The following SPRING1 variants were observed in gnomAD, a reference collection of about 807,000 sequenced individuals.
SPRING1 encodes SREBF pathway regulator in golgi 1, also known as SREBP regulating gene protein.
A neutral mutation model predicts 24.7 loss-of-function variants in SPRING1; 14 were observed. That is an observed-to-expected ratio of 0.57 (90% CI 0.37 to 0.88). SPRING1 has a LOEUF of 0.88. Among genes scored for constraint, SPRING1 ranks in the 40% least tolerant of loss-of-function variants. The pLI is 0.00. For synonymous variants in SPRING1, 93 were observed against 106.1 expected (o/e 0.88, Z 0.76); for missense variants, 255 against 268.4 (o/e 0.95, Z 0.35).
Position 116,712,066 on chromosome 12 carries a change from C to G in SPRING1, c.*5744G>C, listed in dbSNP as rs145184545. ...TGGCAGTGCTGATGAAAACACATTT[C>G]TGGTAGTGATATGTCTTGGTCCCTC... On this transcript the variant is annotated 3_prime_UTR_variant, in exon 5 of 5. Coordinates refer to ENST00000261318, the MANE Select transcript of SPRING1 (RefSeq NM_024738.4). 1 of 152,338 alleles carries G rather than the reference C, an allele frequency of 6.6e-6. No individual in the cohort carries two copies. Among genetic ancestry groups the G allele is most frequent in the East Asian group, 1.9e-4 (1 of 5,184 alleles). 9.4% of individuals were successfully genotyped at this position (152,338 alleles called of 1,614,324 possible).
chr12:116,712,153 A>C lies in SPRING1; in HGVS notation c.*5657T>G, dbSNP rs1395123678. On this transcript the variant is annotated 3_prime_UTR_variant, in exon 5 of 5. Transcript: ENST00000261318. Reference sequence around the variant, plus strand: ...ACCTGGACTCTTGGTAAAATATTTGAATAATTAACTGCTTTGCTCATTGGT... The same window carrying C: ...ACCTGGACTCTTGGTAAAATATTTGCATAATTAACTGCTTTGCTCATTGGT... 2.0e-5 allele frequency: 3 copies of C among 152,236 alleles called. No individual in the cohort carries two copies. Among genetic ancestry groups the C allele is most frequent in the Non-Finnish European group, 4.4e-5 (3 of 68,044 alleles). The allele number at this position is 152,236 out of a possible 1,614,324, so 9.4% of individuals were successfully genotyped here.
Position 116,721,160 on chromosome 12 carries a change from G to GA in SPRING1, c.269-714dup, listed in dbSNP as rs758160023. Among the ~76,000 whole-genome samples the GA allele has an allele frequency of 3.9e-5, 6 of 152,220 alleles. No homozygotes were observed. In the East Asian group the frequency reaches 5.8e-4, roughly 15 times the overall value. ...CAGCCCATTCATGGCCAACTTTAGA[G>GA]AAAAAATCTTCTTACAAAAGCTAAT... On this transcript the variant is annotated intron_variant, in intron 2 of 4. Coordinates refer to ENST00000261318, the MANE Select transcript of SPRING1 (RefSeq NM_024738.4).
chr12:116,738,010 C>A lies in SPRING1; in HGVS notation c.-110G>T, dbSNP rs572344765. On this transcript the variant is annotated 5_prime_UTR_variant, in exon 1 of 5. Transcript: ENST00000261318. ...CAGCCCCATCCCTCCAGGCAGGCGC[C>A]GGCCCCGCCGCCCGCAGCCCAGTCT... 1 of 1,122,504 alleles carries A rather than the reference C, an allele frequency of 8.9e-7. No homozygotes were observed. Among genetic ancestry groups the A allele is most frequent in the Non-Finnish European group, 1.1e-6 (1 of 916,002 alleles). 69.5% of individuals were successfully genotyped at this position (1,122,504 alleles called of 1,614,324 possible).
rs1207670438 is a variant in SPRING1 at position 116,715,027 on chromosome 12, T to G, written c.*2783A>C. On this transcript the variant is annotated 3_prime_UTR_variant, in exon 5 of 5. Coordinates refer to ENST00000261318, the MANE Select transcript of SPRING1 (RefSeq NM_024738.4). ...ATTCCCTTGAGCCGAAAACACTCAC[T>G]TATTAACAATATTTTTTTCTTTTTT... 6.6e-6 allele frequency: 1 copy of G among 152,048 alleles called. No homozygotes were observed. The highest frequency in any genetic ancestry group is 2.4e-5 in the African/African-American group (1 of 41,394). The allele number at this position is 152,048 out of a possible 1,614,324, so 9.4% of individuals were successfully genotyped here. A position where few individuals can be genotyped will look rare whatever the true frequency, so the allele number is the denominator to read the frequency against.
chr12:116,730,216 AT>A (rs71031216), intron 1 of SPRING1, among the ~76,000 whole-genome samples: 4 of 145,008 alleles, frequency 2.8e-5, no homozygotes, highest in African/African-American at 5.1e-5. Context: ...TTACTTTTTA[AT>A]TTTTTTTTTG....
At chr12:116,726,394 CA>C in intron 1 of SPRING1, among the ~76,000 whole-genome samples, 1 of 152,332 alleles carries the variant, frequency 6.6e-6, no homozygotes, top group African/African-American at 2.4e-5. Flanking sequence ...ACCACAACCC[CA>C]CCAGTAGCGG....
chr12:116,719,638 C>T (rs577320215), intron 4 of SPRING1, 125 bp downstream of exon 4: 6 of 708,442 alleles, frequency 8.5e-6, no homozygotes, highest in South Asian at 5.6e-5. Context: ...CCAAACAAAG[C>T]GTGACACGGC....
At chr12:116,719,590 A>G (rs1299852252) in intron 4 of SPRING1, among the ~76,000 whole-genome samples, 173 bp downstream of exon 4, 2 of 152,250 alleles carry the variant, frequency 1.3e-5, no homozygotes, top group Non-Finnish European at 2.9e-5. Context: ...CCTAACTTGT[A>G]TAAATCTCAC....
intron 4 of SPRING1, among the ~76,000 whole-genome samples, chr12:116,718,318 T>C (rs1870257149): frequency 6.6e-6 from 1 of 152,252 alleles, no homozygotes; most frequent in Non-Finnish European, 1.5e-5. Flanking sequence ...TAAATTGCTT[T>C]CATAAAGTTT....
At position 116,717,868 on chromosome 12, in the gene SPRING1, C is replaced by T. The variant is rs753419585; in HGVS notation, c.560G>A (p.Arg187Gln). The T allele has an allele frequency of 2.9e-5, 47 of 1,607,710 alleles. 1 individual carries two copies. Among genetic ancestry groups the T allele is most frequent in the East Asian group, 9.0e-5 (4 of 44,580 alleles). ...ATAGCAATACTTTGCTATGGGGTCC[C>T]GGTAGGTGTTCTCATGCTGCACGCT... Reference protein sequence around the residue: ...SQSVQHENTYRDPIAKYCYGE... With the variant: ...SQSVQHENTYQDPIAKYCYGE... Residue 187 changes from arginine (R) to glutamine (Q), a missense_variant, in exon 5 of 5, where the codon CGG (arginine) becomes CAG (glutamine). Arg to Gln is a conservative substitution (Grantham distance 43). Transcript: ENST00000261318. This position sits in a 1 kb window ranked among gnomAD's most constrained non-coding sequence, Gnocchi z 4.2.
rs373459286 is a variant in SPRING1 at position 116,717,918 on chromosome 12, C to T, written c.535-25G>A. Reference sequence around the variant, plus strand: ...TCTGTTGGCAAAAGGAAAATAAGAGCGCAGTGAGAGCGAGCACAGCTTCAC... The same window carrying T: ...TCTGTTGGCAAAAGGAAAATAAGAGTGCAGTGAGAGCGAGCACAGCTTCAC... On this transcript the variant is annotated intron_variant, in intron 4 of 4. Transcript: ENST00000261318. The surrounding 1 kb of genome is among the most constrained non-coding windows in gnomAD (Gnocchi z 4.2). The T allele has an allele frequency of 1.9e-5, 29 of 1,565,572 alleles. No homozygotes were observed. Among genetic ancestry groups the T allele is most frequent in the Non-Finnish European group, 2.4e-5 (27 of 1,148,918 alleles).
intron 1 of SPRING1, among the ~76,000 whole-genome samples, chr12:116,724,482 C>T (rs997702499): frequency 1.3e-5 from 2 of 151,898 alleles, no homozygotes; most frequent in African/African-American, 2.4e-5. Context: ...TTGGGGAGGC[C>T]GAGGCTGGTG....
intron 1 of SPRING1, among the ~76,000 whole-genome samples, chr12:116,737,134 G>C (rs1422046355): frequency 6.6e-6 from 1 of 152,158 alleles, no homozygotes; most frequent in Non-Finnish European, 1.5e-5. Context: ...CCTCAACTCG[G>C]GGTTCTAGTC....
rs567166891 is a variant in SPRING1 at position 116,717,668 on chromosome 12, G to A, written c.*142C>T. The A allele has an allele frequency of 3.5e-4, 242 of 686,480 alleles. 2 individuals are homozygous for A. In the South Asian group the frequency reaches 4.1e-3, roughly 12 times the overall value. The allele number at this position is 686,480 out of a possible 1,614,324, so 42.5% of individuals were successfully genotyped here. A position where few individuals can be genotyped will look rare whatever the true frequency, so the allele number is the denominator to read the frequency against. On this transcript the variant is annotated 3_prime_UTR_variant, in exon 5 of 5. Coordinates refer to ENST00000261318, the MANE Select transcript of SPRING1 (RefSeq NM_024738.4). This position sits in a 1 kb window ranked among gnomAD's most constrained non-coding sequence, Gnocchi z 4.2. ...TGAGCGAAGCCAAAGATGACAACAC[G>A]AGAAGGGGTCAAAGCCAAGGTTTCC...
At chr12:116,724,991 A>G (rs1012879819) in intron 1 of SPRING1, among the ~76,000 whole-genome samples, 1 of 152,208 alleles carries the variant, frequency 6.6e-6, no homozygotes, top group Non-Finnish European at 1.5e-5. Flanking sequence ...TATCAAGGGA[A>G]AAAGCAAGTT....
At position 116,720,504 on chromosome 12, in the gene SPRING1, A is replaced by G; in HGVS notation, c.269-57T>C. ...CCAGCAGCCTTGCCACCTCCCTACC[A>G]GGGATGACCATGAAGCAGCAGTGAA... On this transcript the variant is annotated intron_variant, in intron 2 of 4. Coordinates refer to ENST00000261318, the MANE Select transcript of SPRING1 (RefSeq NM_024738.4). This position sits in a 1 kb window ranked among gnomAD's most constrained non-coding sequence, Gnocchi z 4.0. 6.3e-7 allele frequency: 1 copy of G among 1,593,674 alleles called. No homozygotes were observed. Among genetic ancestry groups the G allele is most frequent in the South Asian group, 1.1e-5 (1 of 87,338 alleles).
chr12:116,735,565 C>T (rs1871178734), intron 1 of SPRING1, among the ~76,000 whole-genome samples: 1 of 151,334 alleles, frequency 6.6e-6, no homozygotes, highest in African/African-American at 2.4e-5. Context: ...AACCCTGTCT[C>T]TATTAAAAAT....
At position 116,737,988 on chromosome 12, in the gene SPRING1, C is replaced by T. The variant is rs1470218066; in HGVS notation, c.-88G>A. The T allele has an allele frequency of 8.4e-7, 1 of 1,184,066 alleles. No individual in the cohort carries two copies. The highest frequency in any genetic ancestry group is 1.0e-6 in the Non-Finnish European group (1 of 952,622). The allele number at this position is 1,184,066 out of a possible 1,614,324, so 73.3% of individuals were successfully genotyped here. A position where few individuals can be genotyped will look rare whatever the true frequency, so the allele number is the denominator to read the frequency against. ...GGCATGGCCCCTACGCGCCCGGCAG[C>T]CCCATCCCTCCAGGCAGGCGCCGGC... On this transcript the variant is annotated 5_prime_UTR_variant, in exon 1 of 5. Transcript: ENST00000261318.
At position 116,717,917 on chromosome 12, in the gene SPRING1, G is replaced by C; in HGVS notation, c.535-24C>G. On this transcript the variant is annotated intron_variant, in intron 4 of 4. Coordinates refer to ENST00000261318, the MANE Select transcript of SPRING1 (RefSeq NM_024738.4). The surrounding 1 kb of genome is among the most constrained non-coding windows in gnomAD (Gnocchi z 4.2). ...CTCTGTTGGCAAAAGGAAAATAAGA[G>C]CGCAGTGAGAGCGAGCACAGCTTCA... 6.4e-7 allele frequency: 1 copy of C among 1,570,426 alleles called. No individual in the cohort carries two copies. The highest frequency in any genetic ancestry group is 8.7e-7 in the Non-Finnish European group (1 of 1,152,014).
Sources: allele counts gnomAD v4.1 joint callset (sites outside exome capture counted in the v4.1 genomes callset), GRCh38; gene constraint gnomAD v4.1.1; non-coding constraint Gnocchi (gnomAD v3.1); transcripts MANE v1.5; gene names NCBI Gene and HGNC (gene_info 2026-07-23, HGNC 2026-07-21).